Variants in AHNAK observed in about 807,000 individuals in gnomAD.
The protein encoded by AHNAK is neuroblast differentiation-associated protein AHNAK.
Under a neutral mutation model 37.8 loss-of-function variants are expected in AHNAK, and 23 were observed. The ratio of observed to expected loss-of-function variants is 0.61; its 90% CI spans 0.44 to 0.86. The LOEUF (loss-of-function observed/expected upper bound fraction) is 0.86. Ranked by LOEUF, AHNAK falls within the 40% of genes least tolerant of loss-of-function variation. The pLI is 0.00. For synonymous variants in AHNAK, 2,481 were observed against 2,636.3 expected, an observed-to-expected ratio of 0.94 and a Z score of 1.80; for missense variants, 7,411 against 7,319.4, an observed-to-expected ratio of 1.01 and a Z score of -0.46.
At chr11:62,442,553 T>C (rs1938329808) in intron 5 of AHNAK, among the ~76,000 whole-genome samples, 1 of 146,296 alleles carries the variant, frequency 6.8e-6, no homozygotes, top group Admixed American at 6.8e-5. Flanking sequence ...ATCTCAAAAA[T>C]AAATAATCAA....
chr11:62,469,599 G>A (rs1480374498), intron 5 of AHNAK, among the ~76,000 whole-genome samples: 1 of 151,708 alleles, frequency 6.6e-6, no homozygotes, highest in Non-Finnish European at 1.5e-5. Context: ...CTAGTAGCTG[G>A]AATTACAGGT....
chr11:62,494,334 T>A (rs1477795062), intron 4 of AHNAK, among the ~76,000 whole-genome samples: 1 of 152,044 alleles, frequency 6.6e-6, no homozygotes, highest in Non-Finnish European at 1.5e-5. Context: ...AGTTATAAAA[T>A]GAAACTCAGA....
intron 1 of AHNAK, among the ~76,000 whole-genome samples, chr11:62,542,415 C>T (rs1391861842): frequency 6.6e-6 from 1 of 152,102 alleles, no homozygotes; most frequent in Admixed American, 6.5e-5. Context: ...GTTTTTCCAT[C>T]CTTGTCATTC....
chr11:62,533,225 C>T lies in AHNAK; in HGVS notation c.1192G>A (p.Asp398Asn), dbSNP rs1326152399. 1 of 1,526,678 alleles carries T rather than the reference C, an allele frequency of 6.6e-7. No individual in the cohort carries two copies. Among genetic ancestry groups the T allele is most frequent in the Non-Finnish European group, 8.8e-7 (1 of 1,141,898 alleles). 94.6% of individuals were successfully genotyped at this position (1,526,678 alleles called of 1,614,324 possible). Residue 398 changes from aspartate to asparagine, a missense_variant, in exon 5 of 5, where the codon GAT (aspartate) becomes AAT (asparagine). Coordinates refer to ENST00000378024, the MANE Select transcript of AHNAK (RefSeq NM_001620.3). ...GAKPQGHIGV[D>N]ASAPQIGGSI... ...CCCCCAATTTGGGGAGCAGAGGCAT[C>T]CACCCCAATGTGCCCCTGTGGCTTG...
chr11:62,482,928 C>A (rs1220951489), intron 5 of AHNAK, among the ~76,000 whole-genome samples: 3 of 152,164 alleles, frequency 2.0e-5, no homozygotes, highest in Admixed American at 1.3e-4. Context: ...TATAATTTAA[C>A]CCTTAAGAGG....
chr11:62,448,807 C>T (rs1228866064), intron 5 of AHNAK, among the ~76,000 whole-genome samples: 3 of 152,156 alleles, frequency 2.0e-5, no homozygotes, highest in Non-Finnish European at 2.9e-5. Flanking sequence ...CAGTGGCTCA[C>T]GCCTATAATC....
chr11:62,535,016 G>C lies in AHNAK; in HGVS notation c.329C>G (p.Ser110Cys). ...CGAGGTACTCACCAGAACCACTTCA[G>C]AGCTGCAGGAGCTGAAGACTTCACG... ...WTREVFSSCS[S>C]EVVLSGDDEE... The change falls in exon 4 of 5, where the codon TCT (serine) becomes TGT (cysteine). Residue 110 changes from serine (S) to cysteine (C), a missense_variant. Physicochemically the swap from Ser to Cys is moderately radical, Grantham distance 112 (BLOSUM62 -1). Coordinates refer to ENST00000378024, the MANE Select transcript of AHNAK (RefSeq NM_001620.3). The C allele has an allele frequency of 6.2e-7, 1 of 1,610,310 alleles. No individual in the cohort carries two copies. The highest frequency in any genetic ancestry group is 8.5e-7 in the Non-Finnish European group (1 of 1,177,204).
Position 62,534,093 on chromosome 11 carries a change from G to A in AHNAK, c.343-19C>T. On this transcript the variant is annotated intron_variant, in intron 4 of 4. Transcript: ENST00000378024. ...CCCCGCTCTGCAGAAAGACACGCCG[G>A]GCAGAGGTTGCAGCAGAGTCTGCCT... 1 of 1,522,054 alleles carries A rather than the reference G, an allele frequency of 6.6e-7. No homozygotes were observed. The highest frequency in any genetic ancestry group is 1.3e-5 in the South Asian group (1 of 76,262). The allele number at this position is 1,522,054 out of a possible 1,614,324, so 94.3% of individuals were successfully genotyped here. A position where few individuals can be genotyped will look rare whatever the true frequency, so the allele number is the denominator to read the frequency against.
At chr11:62,510,207 C>A (rs1939884799) in intron 4 of AHNAK, among the ~76,000 whole-genome samples, 1 of 151,544 alleles carries the variant, frequency 6.6e-6, no homozygotes, top group South Asian at 2.1e-4. Context: ...CCACACCCGG[C>A]TAATTTTTTG....
At chr11:62,454,274 G>A (rs1226431804) in intron 5 of AHNAK, among the ~76,000 whole-genome samples, 1 of 149,172 alleles carries the variant, frequency 6.7e-6, no homozygotes, top group Non-Finnish European at 1.5e-5. Context: ...TTAGCCGGGC[G>A]TGGTGGCGGG....
rs752356113 is a variant in AHNAK at position 62,517,318 on chromosome 11, C to T, written c.17099G>A (p.Trp5700Ter). ...SIQAGAGDGEWEESEVKLKKS... is the reference protein window; with the variant it reads ...SIQAGAGDGE ...TTTCAGTTTGACTTCAGACTCTTCC[C>T]ACTCGCCGTCTCCAGCACCAGCTTG... Residue 5700 changes from tryptophan to a stop codon, truncating the protein, a stop_gained, in exon 5 of 5, where the codon TGG becomes TAG. Coordinates refer to ENST00000378024, the MANE Select transcript of AHNAK (RefSeq NM_001620.3). LOFTEE classifies it high-confidence loss of function. 2 of 1,614,178 alleles carry T rather than the reference C, an allele frequency of 1.2e-6. No individual in the cohort carries two copies. Among genetic ancestry groups the T allele is most frequent in the Admixed American group, 3.3e-5 (2 of 60,026 alleles).
In AHNAK at chr11:62,529,120, C is replaced by G. The variant is rs76414066; in HGVS notation, c.5297G>C (p.Gly1766Ala). The change falls in exon 5 of 5, where the codon GGC becomes GCC. Residue 1766 changes from glycine (G) to alanine (A), a missense_variant. By Grantham distance (60) the Gly-to-Ala change is moderately conservative. Coordinates refer to ENST00000378024, the MANE Select transcript of AHNAK (RefSeq NM_001620.3). ...DIEGPEGKLKGSKFKMPKLNI... is the reference protein window; with the variant it reads ...DIEGPEGKLKASKFKMPKLNI... Reference sequence around the variant, plus strand: ...CAACTTGGGCATCTTAAATTTGGAGCCTTTCAACTTTCCTTCTGGTCCCTC... The same window carrying G: ...CAACTTGGGCATCTTAAATTTGGAGGCTTTCAACTTTCCTTCTGGTCCCTC... The G allele has an allele frequency of 3.6e-5, 58 of 1,613,978 alleles. No homozygotes were observed. Among genetic ancestry groups the G allele is most frequent in the Middle Eastern group, 3.3e-4 (2 of 6,084 alleles).
At chr11:62,433,559 T>G in exon 6 of AHNAK, 1 of 388,704 alleles carries the variant, frequency 2.6e-6, no homozygotes, top group East Asian at 4.1e-5. Flanking sequence ...TTGATAAATG[T>G]TTATTGGATA....
intron 5 of AHNAK, among the ~76,000 whole-genome samples, chr11:62,474,578 G>A (rs543071794): frequency 2.2e-4 from 34 of 152,272 alleles, no homozygotes; most frequent in African/African-American, 8.2e-4. Context: ...GCGTAAGCTC[G>A]GCCAAGTTGC....
In AHNAK at chr11:62,522,817, T is replaced by A; in HGVS notation, c.11600A>T (p.Asn3867Ile). The change falls in exon 5 of 5, where the codon AAC becomes ATC. Residue 3867 changes from asparagine (N) to isoleucine (I), a missense_variant. Asn to Ile is a moderately radical substitution (Grantham distance 149). Coordinates refer to ENST00000378024, the MANE Select transcript of AHNAK (RefSeq NM_001620.3). ...CATGGAGATCTTGGGGGCTTTGATG[T>A]TCATCTCAGGCATCTTGAATTTGGG... ...KGPKFKMPEM[N>I]IKAPKISMPD... 6.2e-7 allele frequency: 1 copy of A among 1,613,836 alleles called. No individual in the cohort carries two copies.
intron 5 of AHNAK, among the ~76,000 whole-genome samples, chr11:62,436,503 T>C (rs1182892542): frequency 1.3e-5 from 2 of 152,056 alleles, no homozygotes; most frequent in South Asian, 2.1e-4. Flanking sequence ...GAAAAGAATA[T>C]CATTTTGACA....
chr11:62,495,625 GC>G (rs1277779717), intron 4 of AHNAK, among the ~76,000 whole-genome samples: 2 of 151,372 alleles, frequency 1.3e-5, no homozygotes, highest in East Asian at 3.9e-4. Context: ...TGTAGTCCCA[GC>G]TACTTGGGAA....
chr11:62,538,944 T>C (rs1180990213), intron 1 of AHNAK, among the ~76,000 whole-genome samples: 2 of 151,990 alleles, frequency 1.3e-5, no homozygotes, highest in African/African-American at 4.8e-5. Flanking sequence ...ACAACACGGA[T>C]GAAAGAGAAA....
At chr11:62,490,197 C>CTTTTTTTTTTTTTTTTT (rs944550481) in intron 5 of AHNAK, among the ~76,000 whole-genome samples, 4 of 115,932 alleles carry the variant, frequency 3.5e-5, no homozygotes, top group Non-Finnish European at 5.4e-5. Flanking sequence ...TTTTCTTTTT[C>CTTTTTTTTTTTTTTTTT]TTTTTTTTTT....
Sources: gnomAD v4.1 joint callset for allele counts (sites outside exome capture counted in the v4.1 genomes callset) on GRCh38, gnomAD v4.1.1 for gene constraint, MANE v1.5 for transcripts, NCBI Gene and HGNC (gene_info 2026-07-23, HGNC 2026-07-21) for gene names.